CMIP: variants seen among roughly 807,000 people sequenced by gnomAD.
CMIP encodes the protein c-Maf inducing protein.
A neutral mutation model predicts 97.3 loss-of-function variants in CMIP; 13 were observed. That is an observed-to-expected ratio of 0.13 (90% confidence interval 0.09 to 0.21). The LOEUF (loss-of-function observed/expected upper bound fraction) is 0.21. Among genes scored for constraint, CMIP ranks in the 10% least tolerant of loss-of-function variants. The pLI is 1.00. For missense variants in CMIP, 847 were observed against 1,024.9 expected, an observed-to-expected ratio of 0.83 and a Z score of 2.37; for synonymous variants, 538 against 436.3, an observed-to-expected ratio of 1.23 and a Z score of -2.91.
intron 1 of CMIP, among the ~76,000 whole-genome samples, chr16:81,481,576 G>C: frequency 6.6e-6 from 1 of 152,222 alleles, no homozygotes; most frequent in Admixed American, 6.5e-5. Flanking sequence ...AGAGGGTGCT[G>C]TTTCAACTGA....
intron 1 of CMIP, among the ~76,000 whole-genome samples, chr16:81,489,647 G>T (rs2089374752): frequency 6.6e-6 from 1 of 152,234 alleles, no homozygotes; most frequent in South Asian, 2.1e-4. Flanking sequence ...CTGTGGGATG[G>T]CCTTGGCTCC....
intron 6 of CMIP, among the ~76,000 whole-genome samples, chr16:81,662,835 G>C (rs982068801): frequency 6.6e-6 from 1 of 152,198 alleles, no homozygotes; most frequent in African/African-American, 2.4e-5. Flanking sequence ...TGCCACCCGA[G>C]TGCTAAAGCC....
At chr16:81,634,566 G>C (rs553096005) in intron 3 of CMIP, among the ~76,000 whole-genome samples, 7 of 152,324 alleles carry the variant, frequency 4.6e-5, no homozygotes, top group African/African-American at 1.7e-4. Context: ...CTAGGACGCT[G>C]AGCTTCTCTG....
rs1361660126 is a variant in CMIP, at chr16:81,704,087, T to G, written c.2091+2T>G. The G allele has an allele frequency of 6.2e-7, 1 of 1,602,854 alleles. No homozygotes were observed. The highest frequency in any genetic ancestry group is 8.5e-7 in the Non-Finnish European group (1 of 1,175,954). On this transcript the variant is annotated splice_donor_variant, in intron 18 of 20. Coordinates refer to ENST00000537098, the MANE Select transcript of CMIP (RefSeq NM_198390.3). LOFTEE classifies it high-confidence loss of function. ...CAGCTGAACCTGTGGTCCACTCAGG[T>G]ACGTCCTCCCGCCCTGCTGCAGTCC...
At chr16:81,487,559 G>A (rs764773728) in intron 1 of CMIP, among the ~76,000 whole-genome samples, 3 of 152,232 alleles carry the variant, frequency 2.0e-5, no homozygotes, top group Non-Finnish European at 2.9e-5. Context: ...CTCCCAAGGC[G>A]AAGGAAGCCA....
At chr16:81,706,918 C>A (rs1221492250) in intron 19 of CMIP, 96 bp from the exon 20 acceptor site, 1 of 1,008,468 alleles carries the variant, frequency 9.9e-7, no homozygotes, top group African/African-American at 1.6e-5. Flanking sequence ...AACAGGGGGC[C>A]TGGCACCTGC....
chr16:81,668,989 ACACT>A (rs1245798239), intron 7 of CMIP, among the ~76,000 whole-genome samples: 1 of 113,386 alleles, frequency 8.8e-6, no homozygotes, highest in East Asian at 2.6e-4. Context: ...CACCCACCTC[ACACT>A]CTCCTCCTTC....
At chr16:81,498,169 A>G (rs2089527519) in intron 1 of CMIP, among the ~76,000 whole-genome samples, 1 of 152,254 alleles carries the variant, frequency 6.6e-6, no homozygotes, top group Non-Finnish European at 1.5e-5. Context: ...TTTTAACCAT[A>G]GAACTCGGCT....
At chr16:81,530,336 G>A (rs1264582297) in intron 1 of CMIP, among the ~76,000 whole-genome samples, 1 of 152,142 alleles carries the variant, frequency 6.6e-6, no homozygotes. Context: ...AGGTGGATCC[G>A]GATCCCTCAG....
At chr16:81,628,189 TCCCGGAGC>T (rs1421465895) in intron 3 of CMIP, among the ~76,000 whole-genome samples, 1 of 152,068 alleles carries the variant, frequency 6.6e-6, no homozygotes, top group Non-Finnish European at 1.5e-5. Flanking sequence ...CTGACCTTGC[TCCCGGAGC>T]CCACCTCCCC....
At position 81,530,681 on chromosome 16, in the gene CMIP, G is replaced by A. The variant is rs113650934; in HGVS notation, c.301-76886G>A. On this transcript the variant is annotated intron_variant, in intron 1 of 20. Transcript: ENST00000537098. ...TCTCCCTTAGCTGGGTGCCCGCGTG[G>A]CTGCTACCTCCGAGGCTTCTGTGTC... Among the ~76,000 whole-genome samples, 57 of 152,274 alleles carry A rather than the reference G, an allele frequency of 3.7e-4. 1 individual carries two copies. Among genetic ancestry groups the A allele is most frequent in the African/African-American group, 1.3e-3 (54 of 41,550 alleles).
chr16:81,495,266 C>T (rs1488416041), intron 1 of CMIP: 15 of 1,397,120 alleles, frequency 1.1e-5, no homozygotes, highest in Non-Finnish European at 1.3e-5. Flanking sequence ...ACCTCTCAGC[C>T]TGGGGGAAGC....
intron 1 of CMIP, among the ~76,000 whole-genome samples, chr16:81,505,596 A>G (rs890458180): frequency 6.6e-6 from 1 of 152,208 alleles, no homozygotes; most frequent in Admixed American, 6.5e-5. Context: ...AGTTATGAGT[A>G]GTGTCAGGGA....
chr16:81,652,166 A>C lies in CMIP; in HGVS notation c.478-37A>C. The C allele has an allele frequency of 6.5e-7, 1 of 1,549,462 alleles. No individual in the cohort carries two copies. Among genetic ancestry groups the C allele is most frequent in the East Asian group, 2.2e-5 (1 of 44,534 alleles). ...TTCCATCTTCTGCCTTCCTTACGTGAGTAACATGTTGCTGTCTCTTTATCT... is the reference window on the plus strand; with the variant it reads ...TTCCATCTTCTGCCTTCCTTACGTGCGTAACATGTTGCTGTCTCTTTATCT... On this transcript the variant is annotated intron_variant, in intron 3 of 20. Transcript: ENST00000537098. The surrounding 1 kb of genome is among the most constrained non-coding windows in gnomAD (Gnocchi z 5.2).
intron 1 of CMIP, among the ~76,000 whole-genome samples, chr16:81,478,947 G>A (rs1403013330): frequency 6.6e-6 from 1 of 152,128 alleles, no homozygotes; most frequent in Non-Finnish European, 1.5e-5. Flanking sequence ...TTGGAGACCC[G>A]TCCTCACCCG....
rs1908219026 is a variant in CMIP at position 81,706,958 on chromosome 16, AC to A, written c.2198-54del. On this transcript the variant is annotated intron_variant, in intron 19 of 20. Coordinates refer to ENST00000537098, the MANE Select transcript of CMIP (RefSeq NM_198390.3). ...AGCTCCTCCAGCTTGGCCATCCCAT[AC>A]CTTCATACCTTTGGGGCCTCGCTCT... 2.0e-6 allele frequency: 3 copies of A among 1,513,734 alleles called. No individual in the cohort carries two copies. In the South Asian group the frequency reaches 3.4e-5, roughly 17 times the overall value. The allele number at this position is 1,513,734 out of a possible 1,614,324, so 93.8% of individuals were successfully genotyped here.
chr16:81,641,949 G>A (rs895315908), intron 3 of CMIP, among the ~76,000 whole-genome samples: 16 of 152,354 alleles, frequency 1.1e-4, no homozygotes, highest in East Asian at 3.9e-4. Context: ...CTTAGTAGCT[G>A]CATGACTTAC....
intron 13 of CMIP, chr16:81,695,346 C>G (rs562576345): frequency 3.3e-5 from 5 of 152,368 alleles, no homozygotes; most frequent in African/African-American, 1.2e-4. Context: ...CATCTCAACA[C>G]TCCTAAGTCC....
At chr16:81,706,229 G>A (rs1434731414) in intron 19 of CMIP, among the ~76,000 whole-genome samples, 2 of 152,226 alleles carry the variant, frequency 1.3e-5, no homozygotes, top group African/African-American at 2.4e-5. Flanking sequence ...TGCTTTAGAC[G>A]GGAAGACCCG....
Sources: gnomAD v4.1 joint callset for allele counts (sites outside exome capture counted in the v4.1 genomes callset) on GRCh38, gnomAD v4.1.1 for gene constraint, Gnocchi (gnomAD v3.1) non-coding constraint, MANE v1.5 for transcripts, NCBI Gene and HGNC (gene_info 2026-07-23, HGNC 2026-07-21) for gene names.